Variants in AGFG1 observed in about 807,000 individuals in gnomAD.
AGFG1 encodes the protein ArfGAP with FG repeats 1, also known as arf-GAP domain and FG repeat-containing protein 1.
AGFG1 carries 10 observed loss-of-function variants against 60.6 expected under a neutral mutation model. The ratio of observed to expected loss-of-function variants is 0.16; its 90% confidence interval spans 0.10 to 0.28. The LOEUF is 0.28. Ranked by LOEUF, AGFG1 falls within the 10% of genes least tolerant of loss-of-function variation. AGFG1 has a pLI of 1.00. For synonymous variants in AGFG1, 247 were observed against 242.9 expected (o/e 1.02, Z -0.16); for missense variants, 537 against 676.5 (o/e 0.79, Z 2.29).
intron 1 of AGFG1, among the ~76,000 whole-genome samples, chr2:227,472,885 G>C (rs1690145749): frequency 6.6e-6 from 1 of 151,856 alleles, no homozygotes; most frequent in Non-Finnish European, 1.5e-5. Flanking sequence ...GGCGACCGGG[G>C]CGAGCGTCCC....
At chr2:227,519,090 G>A (rs1051766547) in intron 2 of AGFG1, among the ~76,000 whole-genome samples, 2 of 152,180 alleles carry the variant, frequency 1.3e-5, no homozygotes, top group Non-Finnish European at 2.9e-5. Context: ...TGGGAGGATG[G>A]CTTGAGCCTG....
At chr2:227,479,911 T>C (rs1322835666) in intron 1 of AGFG1, among the ~76,000 whole-genome samples, 2 of 152,210 alleles carry the variant, frequency 1.3e-5, no homozygotes, top group Admixed American at 1.3e-4. Context: ...TTATTTGAGT[T>C]GTTTGAAATA....
chr2:227,516,213 A>G (rs1406777582), intron 2 of AGFG1, among the ~76,000 whole-genome samples: 1 of 152,200 alleles, frequency 6.6e-6, no homozygotes, highest in Non-Finnish European at 1.5e-5. Context: ...AGGACTTGAT[A>G]AAACAGATTG....
chr2:227,502,121 G>T (rs959242362), intron 2 of AGFG1, among the ~76,000 whole-genome samples: 1 of 152,148 alleles, frequency 6.6e-6, no homozygotes, highest in African/African-American at 2.4e-5. Flanking sequence ...GCCTCCCAAA[G>T]TGCGAGGATT....
chr2:227,522,288 G>A (rs1262248482), intron 3 of AGFG1, among the ~76,000 whole-genome samples: 1 of 152,184 alleles, frequency 6.6e-6, no homozygotes, highest in African/African-American at 2.4e-5. Flanking sequence ...TACTTTGCCA[G>A]GTGAGTCTTT....
intron 10 of AGFG1, among the ~76,000 whole-genome samples, chr2:227,542,069 A>AG (rs1479240254): frequency 6.6e-6 from 1 of 151,796 alleles, no homozygotes; most frequent in Non-Finnish European, 1.5e-5. Context: ...GGCTGAGATG[A>AG]GGGGGTTTTC....
chr2:227,532,002 AC>A (rs1397331273), intron 6 of AGFG1: 2 of 592,856 alleles, frequency 3.4e-6, no homozygotes, highest in Non-Finnish European at 5.6e-6. Flanking sequence ...AACTCATGGA[AC>A]CCTTATTTAG....
At chr2:227,537,448 A>C (rs966771886) in intron 10 of AGFG1, among the ~76,000 whole-genome samples, 5 of 152,186 alleles carry the variant, frequency 3.3e-5, no homozygotes, top group African/African-American at 1.2e-4. Flanking sequence ...CTTAATTATT[A>C]GGTCTTTTTC....
At position 227,553,833 on chromosome 2, in the gene AGFG1, T is replaced by G. The variant is rs775853371; in HGVS notation, c.1629+38T>G. 5.1e-5 allele frequency: 74 copies of G among 1,452,806 alleles called. No individual in the cohort carries two copies. The Admixed American group carries it at 1.3e-3, about 26-fold the overall frequency. The allele number at this position is 1,452,806 out of a possible 1,614,324, so 90.0% of individuals were successfully genotyped here. ...TAAAATTAAATACTTTATAAGTTGTTAAATCTTATTTTAAAATTAGGAATA... is the reference window on the plus strand; with the variant it reads ...TAAAATTAAATACTTTATAAGTTGTGAAATCTTATTTTAAAATTAGGAATA... On this transcript the variant is annotated intron_variant, in intron 12 of 12. Coordinates refer to ENST00000310078, the MANE Select transcript of AGFG1 (RefSeq NM_004504.5).
chr2:227,481,366 G>C (rs138097025), intron 1 of AGFG1, among the ~76,000 whole-genome samples: 1 of 152,022 alleles, frequency 6.6e-6, no homozygotes, highest in Non-Finnish European at 1.5e-5. Flanking sequence ...CTTTCCTTCA[G>C]ACTTCCCACC....
At chr2:227,547,386 T>C (rs1482855712) in intron 10 of AGFG1, among the ~76,000 whole-genome samples, 1 of 152,212 alleles carries the variant, frequency 6.6e-6, no homozygotes, top group Non-Finnish European at 1.5e-5. Flanking sequence ...ATCTCTAATA[T>C]TTAATAATCT....
chr2:227,535,082 G>T, intron 8 of AGFG1, 57 bp downstream of exon 8: 1 of 1,383,022 alleles, frequency 7.2e-7, no homozygotes, highest in Non-Finnish European at 9.5e-7. Flanking sequence ...TTCCAACTTT[G>T]AATAATCAAT....
In AGFG1 at chr2:227,523,839, A is replaced by G; in HGVS notation, c.454A>G (p.Ser152Gly). Reference sequence around the variant, plus strand: ...TTCAGGGTCCTCTGCCAGTAGCACAAGCAGCACACCTGAGGTCAAACCACT... The same window carrying G: ...TTCAGGGTCCTCTGCCAGTAGCACAGGCAGCACACCTGAGGTCAAACCACT... ...SISGSSASST[S>G]STPEVKPLKS... The change falls in exon 4 of 13, where the codon AGC becomes GGC. Residue 152 changes from serine (S) to glycine (G), a missense_variant. By Grantham distance (56) the Ser-to-Gly change is moderately conservative. Transcript: ENST00000310078. 1.2e-6 allele frequency: 2 copies of G among 1,614,030 alleles called. No homozygotes were observed. Among genetic ancestry groups the G allele is most frequent in the Non-Finnish European group, 8.5e-7 (1 of 1,179,976 alleles).
chr2:227,553,218 C>T (rs1692873394), intron 11 of AGFG1, among the ~76,000 whole-genome samples: 1 of 152,064 alleles, frequency 6.6e-6, no homozygotes, highest in Admixed American at 6.5e-5. Context: ...GTTCTCTTGG[C>T]CAGGTGTGAT....
intron 10 of AGFG1, among the ~76,000 whole-genome samples, chr2:227,543,938 T>C (rs1330607324): frequency 6.6e-6 from 1 of 152,230 alleles, no homozygotes; most frequent in Non-Finnish European, 1.5e-5. Context: ...AATGGTCTTC[T>C]TTGTCTCTTT....
intron 10 of AGFG1, among the ~76,000 whole-genome samples, chr2:227,538,322 G>A (rs1395372905): frequency 1.3e-5 from 2 of 152,184 alleles, no homozygotes; most frequent in Non-Finnish European, 2.9e-5. Context: ...AGCCAAACTT[G>A]TGTTCGAATT....
intron 5 of AGFG1, among the ~76,000 whole-genome samples, chr2:227,529,408 A>G (rs926448640): frequency 6.6e-6 from 1 of 152,176 alleles, no homozygotes; most frequent in African/African-American, 2.4e-5. Flanking sequence ...TTAATGGCAA[A>G]TGATAATTAT....
intron 1 of AGFG1, among the ~76,000 whole-genome samples, chr2:227,484,197 C>G (rs993869837): frequency 1.3e-5 from 2 of 150,996 alleles, no homozygotes; most frequent in South Asian, 4.2e-4. Context: ...AGTGGTGTTT[C>G]TTTTTTTTTG....
At chr2:227,509,121 T>C (rs1270387825) in intron 2 of AGFG1, among the ~76,000 whole-genome samples, 1 of 152,218 alleles carries the variant, frequency 6.6e-6, no homozygotes, top group Non-Finnish European at 1.5e-5. Context: ...TGACTTTAAA[T>C]GGATAAAGAT....
Sources: gnomAD v4.1 joint callset for allele counts (sites outside exome capture counted in the v4.1 genomes callset) on GRCh38, gnomAD v4.1.1 for gene constraint, MANE v1.5 for transcripts, NCBI Gene and HGNC (gene_info 2026-07-23, HGNC 2026-07-21) for gene names.